SNTG1: variants seen among roughly 807,000 people sequenced by gnomAD.
SNTG1 encodes gamma-1-syntrophin.
In SNTG1, 39 loss-of-function variants were observed where a neutral mutation model predicts 74.7. That is an observed-to-expected ratio of 0.52 (90% CI 0.40 to 0.68). The LOEUF is 0.68. SNTG1 is among the 30% of genes least tolerant of loss of function. SNTG1 has a pLI of 0.00. For missense variants in SNTG1, 685 were observed against 609.5 expected (o/e 1.12, Z -1.30); for synonymous variants, 254 against 217.1 (o/e 1.17, Z -1.49).
intron 2 of SNTG1, among the ~76,000 whole-genome samples, chr8:50,320,242 G>A (rs901863217): frequency 1.3e-5 from 2 of 152,088 alleles, no homozygotes; most frequent in African/African-American, 4.8e-5. Context: ...ATCACGATAG[G>A]TTGTATGTGT....
At chr8:50,782,876 T>C (rs1323760443) in intron 18 of SNTG1, among the ~76,000 whole-genome samples, 1 of 152,126 alleles carries the variant, frequency 6.6e-6, no homozygotes, top group Non-Finnish European at 1.5e-5. Context: ...GTAAGATGGG[T>C]TTTTGGGGTG....
chr8:50,140,684 G>T (rs752999566), intron 1 of SNTG1, among the ~76,000 whole-genome samples: 71 of 152,190 alleles, frequency 4.7e-4, no homozygotes, highest in Non-Finnish European at 4.3e-4. Flanking sequence ...GGCCTGCAGA[G>T]ACCAAGTGCC....
At chr8:50,062,496 C>T (rs951818657) in intron 1 of SNTG1, among the ~76,000 whole-genome samples, 2 of 152,160 alleles carry the variant, frequency 1.3e-5, no homozygotes, top group Non-Finnish European at 2.9e-5. Flanking sequence ...CATCATTACA[C>T]ACTGTTGCTT....
At chr8:50,626,971 A>G (rs2094960752) in intron 13 of SNTG1, among the ~76,000 whole-genome samples, 1 of 152,150 alleles carries the variant, frequency 6.6e-6, no homozygotes, top group Non-Finnish European at 1.5e-5. Context: ...CTTATATGTC[A>G]TTACAATCCC....
intron 1 of SNTG1, among the ~76,000 whole-genome samples, chr8:50,016,539 T>G (rs1816331503): frequency 6.6e-6 from 1 of 152,116 alleles, no homozygotes; most frequent in African/African-American, 2.4e-5. Context: ...TCAAGGCTCT[T>G]GTCTCCTTTG....
chr8:50,639,442 A>G (rs1252453432), intron 13 of SNTG1, among the ~76,000 whole-genome samples: 1 of 151,908 alleles, frequency 6.6e-6, no homozygotes, highest in Non-Finnish European at 1.5e-5. Flanking sequence ...TGTTTAGGAG[A>G]AAAAATGTAA....
At position 50,120,952 on chromosome 8, in the gene SNTG1, G is replaced by A. The variant is rs912507771; in HGVS notation, c.-102-51609G>A. Among the ~76,000 whole-genome samples the A allele has an allele frequency of 1.1e-4, 15 of 141,648 alleles. 1 individual carries two copies. Among genetic ancestry groups the A allele is most frequent in the South Asian group, 5.3e-4 (2 of 3,778 alleles). 92.9% of individuals were successfully genotyped at this position (141,648 alleles called of 152,430 possible). On this transcript the variant is annotated intron_variant, in intron 1 of 18. Coordinates refer to ENST00000642720, the MANE Select transcript of SNTG1 (RefSeq NM_018967.5). ...CTGGTTGCCATAACTTCGCATAAACGTATCGTAGGACAATCTGACTTATAG... is the reference window on the plus strand; with the variant it reads ...CTGGTTGCCATAACTTCGCATAAACATATCGTAGGACAATCTGACTTATAG...
chr8:50,163,884 ATCT>A (rs1025470756), intron 1 of SNTG1: 10 of 152,018 alleles, frequency 6.6e-5, no homozygotes, highest in Non-Finnish European at 1.2e-4. Flanking sequence ...GAATTCAAAA[ATCT>A]TCATCAATAT....
intron 2 of SNTG1, among the ~76,000 whole-genome samples, chr8:50,192,905 A>G (rs982075568): frequency 3.3e-5 from 5 of 152,084 alleles, no homozygotes; most frequent in African/African-American, 1.2e-4. Context: ...GTTGAAAAGG[A>G]TGTCCTTTCC....
chr8:50,013,498 GAT>G lies in SNTG1; in HGVS notation c.-103+101269_-103+101270del, dbSNP rs1350216515. ...AGATAGATAGATAGATAGATAGATAGATAGATAGAGATATATATGTATGTGCA... is the reference window on the plus strand; with the variant it reads ...AGATAGATAGATAGATAGATAGATAGAGATAGAGATATATATGTATGTGCA... On this transcript the variant is annotated intron_variant, in intron 1 of 18. Coordinates refer to ENST00000642720, the MANE Select transcript of SNTG1 (RefSeq NM_018967.5). Among the ~76,000 whole-genome samples the G allele has an allele frequency of 9.2e-4, 138 of 150,744 alleles. 1 individual carries two copies. The highest frequency in any genetic ancestry group is 1.8e-3 in the Admixed American group (28 of 15,162).
At chr8:50,395,348 G>A (rs1245124400) in intron 3 of SNTG1, among the ~76,000 whole-genome samples, 2 of 151,402 alleles carry the variant, frequency 1.3e-5, no homozygotes, top group African/African-American at 2.4e-5. Flanking sequence ...CAGTTTTTTT[G>A]TTTACAAACC....
chr8:50,291,466 G>A (rs945299460), intron 2 of SNTG1, among the ~76,000 whole-genome samples: 5 of 152,068 alleles, frequency 3.3e-5, no homozygotes, highest in African/African-American at 9.7e-5. Flanking sequence ...GCTTGTGCAC[G>A]TGCCATGTAA....
At chr8:50,650,356 A>C (rs1172506225) in intron 13 of SNTG1, among the ~76,000 whole-genome samples, 1 of 152,084 alleles carries the variant, frequency 6.6e-6, no homozygotes, top group Non-Finnish European at 1.5e-5. Flanking sequence ...AGAATGATTT[A>C]AATGTAAATT....
chr8:49,925,268 G>A (rs1003426781), intron 1 of SNTG1, among the ~76,000 whole-genome samples: 1 of 152,092 alleles, frequency 6.6e-6, no homozygotes. Flanking sequence ...CTGAAAGAAG[G>A]TTGCAGACAT....
At position 50,105,398 on chromosome 8, in the gene SNTG1, G is replaced by A. The variant is rs533850316; in HGVS notation, c.-102-67163G>A. 8.6e-5 allele frequency among the ~76,000 whole-genome samples: 13 copies of A among 152,042 alleles called. 1 individual carries two copies. Among genetic ancestry groups the A allele is most frequent in the African/African-American group, 3.1e-4 (13 of 41,500 alleles). ...TTCCATTGGTTTGTGTTTCTATTTTGTACCAGTACCATGCTCTTTTGGTTA... is the reference window on the plus strand; with the variant it reads ...TTCCATTGGTTTGTGTTTCTATTTTATACCAGTACCATGCTCTTTTGGTTA... On this transcript the variant is annotated intron_variant, in intron 1 of 18. Transcript: ENST00000642720.
chr8:50,062,654 T>C (rs1435653277), intron 1 of SNTG1, among the ~76,000 whole-genome samples: 2 of 152,226 alleles, frequency 1.3e-5, no homozygotes, highest in Non-Finnish European at 2.9e-5. Context: ...AGAAATAAGT[T>C]TCTTACAGTC....
At chr8:50,347,188 T>C (rs1273659033) in intron 2 of SNTG1, among the ~76,000 whole-genome samples, 7 of 152,228 alleles carry the variant, frequency 4.6e-5, no homozygotes, top group Admixed American at 4.6e-4. Flanking sequence ...TGTTAGGAGC[T>C]AATGCAGCTT....
chr8:50,086,086 G>A (rs1279476942), intron 1 of SNTG1, among the ~76,000 whole-genome samples: 1 of 152,110 alleles, frequency 6.6e-6, no homozygotes, highest in Non-Finnish European at 1.5e-5. Context: ...GTCCATACAA[G>A]CTTTCATGAT....
At chr8:49,958,699 G>T (rs764165243) in intron 1 of SNTG1, among the ~76,000 whole-genome samples, 35 of 152,294 alleles carry the variant, frequency 2.3e-4, no homozygotes, top group Admixed American at 1.4e-3. Flanking sequence ...GATTACAGGC[G>T]TGAGCCACTA....
Sources: gnomAD v4.1 joint callset for allele counts (sites outside exome capture counted in the v4.1 genomes callset) on GRCh38, gnomAD v4.1.1 for gene constraint, MANE v1.5 for transcripts, NCBI Gene and HGNC (gene_info 2026-07-23, HGNC 2026-07-21) for gene names.